Variants in RARB observed in about 807,000 individuals in gnomAD.
RARB encodes the protein retinoic acid receptor beta, also known as HBV-activated protein.
A neutral mutation model predicts 51.9 loss-of-function variants in RARB; 17 were observed. The observed-to-expected ratio is 0.33, with a 90% confidence interval of 0.22 to 0.49. RARB has a LOEUF of 0.49. Ranked by LOEUF, RARB falls within the 20% of genes least tolerant of loss-of-function variation. The pLI, the probability that RARB is intolerant of heterozygous loss-of-function variation, is 0.99. For synonymous variants in RARB, 215 were observed against 195.4 expected (o/e 1.10, Z -0.84); for missense variants, 369 against 550.8 (o/e 0.67, Z 3.30).
At chr3:25,230,033 A>G (rs371607324) in intron 5 of RARB, among the ~76,000 whole-genome samples, 29 of 152,284 alleles carry the variant, frequency 1.9e-4, no homozygotes, top group African/African-American at 7.0e-4. Flanking sequence ...GCCTAGTGAC[A>G]GCAAAGAAAT....
intron 5 of RARB, among the ~76,000 whole-genome samples, chr3:25,242,142 C>A (rs1451456789): frequency 6.6e-6 from 1 of 152,034 alleles, no homozygotes; most frequent in Non-Finnish European, 1.5e-5. Context: ...CCTTCCCCCA[C>A]TTTTCAATGA....
chr3:24,898,237 T>C (rs1703520549), intron 2 of RARB, among the ~76,000 whole-genome samples: 2 of 151,916 alleles, frequency 1.3e-5, no homozygotes, highest in African/African-American at 4.8e-5. Context: ...ACCCACTGGA[T>C]AGTTTTGAGC....
chr3:25,351,291 T>C (rs1049722116), intron 5 of RARB, among the ~76,000 whole-genome samples: 11 of 152,278 alleles, frequency 7.2e-5, no homozygotes, highest in African/African-American at 2.6e-4. Flanking sequence ...GTTTGCTTTC[T>C]ACTAATCCAT....
At position 25,243,153 on chromosome 3, in the gene RARB, G is replaced by A. The variant is rs151234880; in HGVS notation, c.178+68578G>A. On this transcript the variant is annotated intron_variant, in intron 5 of 11. Coordinates refer to the RARB transcript ENST00000383772. ...GGAGTGCTTGTGATTTTTGCAGATC[G>A]ATTTTTTATCCTGAGACTTTGCTGA... 5.1e-3 allele frequency among the ~76,000 whole-genome samples: 776 copies of A among 151,876 alleles called. 9 individuals are homozygous for A. The highest frequency in any genetic ancestry group is 0.018 in the African/African-American group (756 of 41,538).
intron 3 of RARB, among the ~76,000 whole-genome samples, chr3:25,559,108 C>A (rs766429609): frequency 2.0e-5 from 3 of 152,120 alleles, no homozygotes; most frequent in Non-Finnish European, 4.4e-5. Context: ...CCTTTAAAGG[C>A]CACCGCAAAC....
intron 2 of RARB, among the ~76,000 whole-genome samples, chr3:24,937,034 CTT>C (rs992154088): frequency 6.6e-6 from 1 of 152,114 alleles, no homozygotes; most frequent in African/African-American, 2.4e-5. Flanking sequence ...AAAAATGAAA[CTT>C]TTGTGACTAT....
intron 5 of RARB, among the ~76,000 whole-genome samples, chr3:25,234,698 G>T (rs1396239115): frequency 6.6e-6 from 1 of 151,200 alleles, no homozygotes; most frequent in African/African-American, 2.4e-5. Context: ...TCATTCCTCT[G>T]ACCAGAAACA....
At chr3:25,080,823 C>T (rs917372697) in intron 3 of RARB, among the ~76,000 whole-genome samples, 7 of 152,020 alleles carry the variant, frequency 4.6e-5, no homozygotes, top group Admixed American at 2.0e-4. Context: ...GTATGTTTTG[C>T]AATTTTTTTC....
intron 5 of RARB, among the ~76,000 whole-genome samples, chr3:25,201,338 G>A (rs571080140): frequency 2.8e-4 from 43 of 152,236 alleles, no homozygotes; most frequent in South Asian, 1.2e-3. Flanking sequence ...GGGCTGAGAC[G>A]ATGGGGTTTT....
chr3:24,935,232 C>CA (rs1374168764), intron 2 of RARB, among the ~76,000 whole-genome samples: 1 of 152,052 alleles, frequency 6.6e-6, no homozygotes, highest in African/African-American at 2.4e-5. Context: ...AGGTATAGAA[C>CA]AAAGGCATTA....
chr3:25,121,867 C>T (rs1038400224), intron 3 of RARB, among the ~76,000 whole-genome samples: 1 of 152,106 alleles, frequency 6.6e-6, no homozygotes, highest in Admixed American at 6.6e-5. Context: ...GTTCATTGAG[C>T]TTTTTGGAGG....
rs772764423 is a variant in RARB, at chr3:25,569,917, C to T, written c.608C>T (p.Thr203Met). Residue 203 changes from threonine to methionine, a missense_variant and splice_region_variant, in exon 4 of 8, where the codon ACG becomes ATG. Thr to Met is a moderately conservative substitution (Grantham distance 81). Coordinates refer to ENST00000330688, the MANE Select transcript of RARB (RefSeq NM_000965.5). ...PSLCQLGKYT[T>M]NSSADHRVRL... Reference sequence around the variant, plus strand: ...CTCTGCCAGCTGGGTAAATACACCACGGTAAGAGATACTCCTGCCCCAGGC... The same window carrying T: ...CTCTGCCAGCTGGGTAAATACACCATGGTAAGAGATACTCCTGCCCCAGGC... 11 of 1,613,344 alleles carry T rather than the reference C, an allele frequency of 6.8e-6. No individual in the cohort carries two copies. The highest frequency in any genetic ancestry group is 2.7e-5 in the African/African-American group (2 of 74,888).
At chr3:24,895,280 T>G (rs1473890113) in intron 2 of RARB, among the ~76,000 whole-genome samples, 1 of 152,252 alleles carries the variant, frequency 6.6e-6, no homozygotes, top group African/African-American at 2.4e-5. Flanking sequence ...ATATTTAGTT[T>G]ACAGCCAGGT....
intron 5 of RARB, among the ~76,000 whole-genome samples, chr3:25,355,192 A>G (rs574131491): frequency 5.3e-4 from 81 of 152,262 alleles, no homozygotes; most frequent in African/African-American, 1.9e-3. Flanking sequence ...CTGAGTACCG[A>G]GGGTAACAGT....
rs6785017 is a variant in RARB at position 25,408,529 on chromosome 3, T to C, written c.179-52664T>C. Among the ~76,000 whole-genome samples, 547 of 152,050 alleles carry C rather than the reference T, an allele frequency of 3.6e-3. 5 individuals are homozygous for C. The highest frequency in any genetic ancestry group is 0.013 in the African/African-American group (531 of 41,470). ...TACCAGGCCCCTCCTCTAATTAGGGTGGGGACACAAATCCAAACCATATCA... is the reference window on the plus strand; with the variant it reads ...TACCAGGCCCCTCCTCTAATTAGGGCGGGGACACAAATCCAAACCATATCA... On this transcript the variant is annotated intron_variant, in intron 5 of 11. Coordinates refer to the RARB transcript ENST00000383772.
chr3:24,842,458 G>A (rs1463942476), intron 1 of RARB, among the ~76,000 whole-genome samples: 1 of 152,162 alleles, frequency 6.6e-6, no homozygotes, highest in Non-Finnish European at 1.5e-5. Flanking sequence ...TGAGGGTTGA[G>A]GGAGTGATCT....
At chr3:25,333,278 A>G (rs976225522) in intron 5 of RARB, among the ~76,000 whole-genome samples, 1 of 152,174 alleles carries the variant, frequency 6.6e-6, no homozygotes, top group Non-Finnish European at 1.5e-5. Flanking sequence ...TTCAAACTAT[A>G]CTACAAGGCT....
At chr3:25,351,731 C>G (rs1213772645) in intron 5 of RARB, among the ~76,000 whole-genome samples, 1 of 151,990 alleles carries the variant, frequency 6.6e-6, no homozygotes, top group Non-Finnish European at 1.5e-5. Flanking sequence ...TTTTTGTTTT[C>G]CCTTGTTCCA....
chr3:25,098,947 T>A (rs1406220627), intron 3 of RARB, among the ~76,000 whole-genome samples: 1 of 152,192 alleles, frequency 6.6e-6, no homozygotes, highest in African/African-American at 2.4e-5. Flanking sequence ...TCTAAGATAT[T>A]TAAGATGCTG....
Sources: allele counts gnomAD v4.1 joint callset (sites outside exome capture counted in the v4.1 genomes callset), GRCh38; gene constraint gnomAD v4.1.1; transcripts MANE v1.5; gene names NCBI Gene and HGNC (gene_info 2026-07-23, HGNC 2026-07-21).